PALS1: variants seen among roughly 807,000 people sequenced by gnomAD.
The protein encoded by PALS1 is protein PALS1.
Under a neutral mutation model 78.9 loss-of-function variants are expected in PALS1, and 31 were observed. That is an observed-to-expected ratio of 0.39 (90% CI 0.30 to 0.53). The LOEUF (loss-of-function observed/expected upper bound fraction) is 0.53, where lower values mean the gene tolerates loss of function less well. PALS1 is among the 20% of genes least tolerant of loss of function. The pLI is 0.67. For missense variants in PALS1, 704 were observed against 826.5 expected (o/e 0.85, Z 1.82); for synonymous variants, 276 against 270.9 (o/e 1.02, Z -0.18).
In PALS1 at chr14:67,241,488, G is replaced by C. The variant is rs1387368368; in HGVS notation, c.-282G>C. 2 of 153,758 alleles carry C rather than the reference G, an allele frequency of 1.3e-5. No individual in the cohort carries two copies. The highest frequency in any genetic ancestry group is 2.9e-5 in the Non-Finnish European group (2 of 69,348). The allele number at this position is 153,758 out of a possible 1,614,324, so 9.5% of individuals were successfully genotyped here. On this transcript the variant is annotated 5_prime_UTR_variant, in exon 1 of 15. Coordinates refer to ENST00000261681, the MANE Select transcript of PALS1 (RefSeq NM_022474.4). ...CGGAGGGCTGTCGCTTCTGCAGTGC[G>C]TAGGAGCGGCCGGGGCGGGAGGCTC...
At chr14:67,306,493 G>A (rs1007436659) in intron 8 of PALS1, among the ~76,000 whole-genome samples, 21 of 150,756 alleles carry the variant, frequency 1.4e-4, no homozygotes, top group South Asian at 6.3e-4. Flanking sequence ...ACAGGCGCCC[G>A]CCACCATGCC....
chr14:67,288,975 T>C (rs1015771026), intron 3 of PALS1, among the ~76,000 whole-genome samples: 3 of 148,304 alleles, frequency 2.0e-5, no homozygotes, highest in African/African-American at 7.4e-5. Context: ...TTTTTTTTTT[T>C]TTTTTTTTTG....
At chr14:67,306,110 C>T (rs1390287915) in intron 8 of PALS1, among the ~76,000 whole-genome samples, 1 of 152,162 alleles carries the variant, frequency 6.6e-6, no homozygotes. Context: ...GCTGAGACTA[C>T]AAGTGCATGC....
intron 1 of PALS1, among the ~76,000 whole-genome samples, chr14:67,266,498 G>A (rs889973367): frequency 6.6e-6 from 1 of 151,950 alleles, no homozygotes; most frequent in Non-Finnish European, 1.5e-5. Context: ...GCTAATTTTT[G>A]TATTTTTAGT....
chr14:67,271,848 G>A (rs1261820519), intron 2 of PALS1: 1 of 152,198 alleles, frequency 6.6e-6, no homozygotes, highest in Non-Finnish European at 1.5e-5. Flanking sequence ...CGAGGCTGGT[G>A]GATCACGAGG....
chr14:67,304,482 A>G (rs1278776024), intron 8 of PALS1, among the ~76,000 whole-genome samples: 2 of 152,222 alleles, frequency 1.3e-5, no homozygotes, highest in Admixed American at 6.5e-5. Flanking sequence ...CAGTACTGAT[A>G]TATGCTACAA....
At position 67,298,335 on chromosome 14, in the gene PALS1, G is replaced by GA. The variant is rs570483915; in HGVS notation, c.577-3051dup. Among the ~76,000 whole-genome samples the GA allele has an allele frequency of 2.8e-4, 43 of 152,070 alleles. No individual in the cohort carries two copies. In the East Asian group the frequency reaches 7.4e-3, roughly 26 times the overall value. On this transcript the variant is annotated intron_variant, in intron 4 of 14. Coordinates refer to ENST00000261681, the MANE Select transcript of PALS1 (RefSeq NM_022474.4). ...TCGAGACTAGTCTGGCCAACATGGTGAAACCCTGTCTCTACTAAAAATAAA... is the reference window on the plus strand; with the variant it reads ...TCGAGACTAGTCTGGCCAACATGGTGAAAACCCTGTCTCTACTAAAAATAAA...
At chr14:67,272,655 C>T (rs191739322) in intron 2 of PALS1, among the ~76,000 whole-genome samples, 30 of 152,210 alleles carry the variant, frequency 2.0e-4, no homozygotes, top group South Asian at 1.0e-3. Context: ...GATTCTGTAA[C>T]CTACATATTG....
intron 1 of PALS1, among the ~76,000 whole-genome samples, chr14:67,249,271 T>C (rs569728727): frequency 3.9e-5 from 6 of 152,312 alleles, no homozygotes; most frequent in Non-Finnish European, 8.8e-5. Context: ...CTCATACCAA[T>C]GTTTTAAGGC....
At chr14:67,264,597 A>C (rs563970732) in intron 1 of PALS1, among the ~76,000 whole-genome samples, 23 of 152,184 alleles carry the variant, frequency 1.5e-4, no homozygotes, top group South Asian at 4.1e-4. Flanking sequence ...CTGCATGTAG[A>C]TATCCAGTGT....
In PALS1 at chr14:67,332,798, A is replaced by G. The variant is rs371401574; in HGVS notation, c.1870A>G (p.Ile624Val). 8.7e-6 allele frequency: 14 copies of G among 1,611,138 alleles called. No homozygotes were observed. Among genetic ancestry groups the G allele is most frequent in the Non-Finnish European group, 9.3e-6 (11 of 1,177,978 alleles). Residue 624 changes from isoleucine (I) to valine (V), a missense_variant, in exon 15 of 15, where the codon ATC becomes GTC. Coordinates refer to ENST00000261681, the MANE Select transcript of PALS1 (RefSeq NM_022474.4). ...KNPKPEELREIIEKTREMEQN... is the reference protein window; with the variant it reads ...KNPKPEELREVIEKTREMEQN... ...TTTGCAGCCTGAAGAGTTGAGAGAA[A>G]TCATTGAGAAGACAAGAGAGATGGA...
At chr14:67,279,561 A>G in intron 3 of PALS1, 24 bp downstream of exon 3, 2 of 1,505,212 alleles carry the variant, frequency 1.3e-6, no homozygotes, top group Non-Finnish European at 1.8e-6. Flanking sequence ...GAGGTATAAC[A>G]GAAAACATTT....
At chr14:67,317,368 C>T (rs772057372) in intron 10 of PALS1, 40 bp from the exon 11 acceptor site, 130 of 1,496,160 alleles carry the variant, frequency 8.7e-5, no homozygotes, top group Non-Finnish European at 1.1e-4. Flanking sequence ...GTTTTGTTCA[C>T]GGGAACACAT....
In PALS1 at chr14:67,248,047, A is replaced by G. The variant is rs138798876; in HGVS notation, c.-237+6514A>G. Among the ~76,000 whole-genome samples the G allele has an allele frequency of 2.4e-3, 370 of 152,276 alleles. 9 individuals are homozygous for G. The highest frequency in any genetic ancestry group is 0.017 in the East Asian group (88 of 5,188). ...TCATGAATAGATGTTGAATTTTATC[A>G]TATGCCTTTTCTGCATGTATTGAGA... is the stretch of plus-strand genomic sequence containing the variant. On this transcript the variant is annotated intron_variant, in intron 1 of 14. Coordinates refer to ENST00000261681, the MANE Select transcript of PALS1 (RefSeq NM_022474.4).
At chr14:67,321,317 T>A in intron 13 of PALS1, 58 bp downstream of exon 13, 1 of 1,537,716 alleles carries the variant, frequency 6.5e-7, no homozygotes, top group African/African-American at 1.4e-5. Flanking sequence ...TATAGAGTAA[T>A]CTAGTGGAAG....
At chr14:67,332,098 CTTGAGT>C (rs558928823) in intron 14 of PALS1, among the ~76,000 whole-genome samples, 4 of 152,228 alleles carry the variant, frequency 2.6e-5, no homozygotes, top group Non-Finnish European at 5.9e-5. Flanking sequence ...GACATTTTGT[CTTGAGT>C]TTAAGTTAGT....
chr14:67,272,671 G>A (rs1466100826), intron 2 of PALS1, among the ~76,000 whole-genome samples: 12 of 152,052 alleles, frequency 7.9e-5, no homozygotes, highest in Non-Finnish European at 2.9e-5. Flanking sequence ...TATTGCTTTT[G>A]TTTTTGAGAC....
chr14:67,286,238 T>G (rs1375725726), intron 3 of PALS1, among the ~76,000 whole-genome samples: 1 of 152,180 alleles, frequency 6.6e-6, no homozygotes, highest in African/African-American at 2.4e-5. Context: ...CTAGCACATA[T>G]ATCAGTCTTT....
At chr14:67,258,920 C>T (rs2084186582) in intron 1 of PALS1, among the ~76,000 whole-genome samples, 1 of 152,086 alleles carries the variant, frequency 6.6e-6, no homozygotes, top group Admixed American at 6.5e-5. Context: ...CTGCTCACTG[C>T]AGCCTCCCAC....
Sources: allele counts gnomAD v4.1 joint callset (sites outside exome capture counted in the v4.1 genomes callset), GRCh38; gene constraint gnomAD v4.1.1; transcripts MANE v1.5; gene names NCBI Gene and HGNC (gene_info 2026-07-23, HGNC 2026-07-21).